Variants in KIAA1210 observed in about 807,000 individuals in gnomAD.
KIAA1210 encodes the protein acrosomal protein KIAA1210.
Under a neutral mutation model 78.9 loss-of-function variants are expected in KIAA1210, and 48 were observed. That is an observed-to-expected ratio of 0.61 (90% CI 0.48 to 0.77). The LOEUF (loss-of-function observed/expected upper bound fraction) is 0.77, where lower values mean the gene tolerates loss of function less well. Among genes scored for constraint, KIAA1210 ranks in the 30% least tolerant of loss-of-function variants. The probability of loss-of-function intolerance (pLI) is 0.00; values close to 1 mark genes in which losing one functional copy is unlikely to be tolerated. For missense variants in KIAA1210, 1,108 were observed against 1,100.0 expected, an observed-to-expected ratio of 1.01 and a Z score of -0.10; for synonymous variants, 406 against 404.5, an observed-to-expected ratio of 1.00 and a Z score of -0.04.
intron 1 of KIAA1210, 60 bp from the exon 2 acceptor site, chrX:119,123,712 G>T: frequency 1.3e-6 from 1 of 758,949 alleles, no homozygotes; most frequent in Non-Finnish European, 2.0e-6. Context: ...AGGGCGTAAT[G>T]CAATCCTTTC....
At chrX:119,124,356 C>T (rs1159813553) in intron 1 of KIAA1210, among the ~76,000 whole-genome samples, 1 of 112,195 alleles carries the variant, frequency 8.9e-6, no homozygotes, top group African/African-American at 3.2e-5. Context: ...AAATCTGTGA[C>T]TGTATTTAAA....
chrX:119,090,260 G>T (rs149209171), intron 8 of KIAA1210, among the ~76,000 whole-genome samples: 1 of 106,675 alleles, frequency 9.4e-6, no homozygotes, highest in African/African-American at 3.4e-5. Flanking sequence ...AATTAATTAT[G>T]GTTCTATTTT....
intron 2 of KIAA1210, among the ~76,000 whole-genome samples, chrX:119,144,067 T>C (rs1929110615): frequency 8.9e-6 from 1 of 112,536 alleles, no homozygotes. Context: ...TGGCCTTTGA[T>C]GGCACACTAT....
chrX:119,119,252 A>G (rs1209623535), intron 2 of KIAA1210, among the ~76,000 whole-genome samples: 2 of 112,421 alleles, frequency 1.8e-5, no homozygotes, highest in African/African-American at 6.5e-5. Flanking sequence ...CCCCATATCT[A>G]TAACTGAATA....
At chrX:119,150,917 C>T (rs891005264), upstream of KIAA1210, among the ~76,000 whole-genome samples, 11 of 112,411 alleles carry the variant, frequency 9.8e-5, no homozygotes, top group African/African-American at 3.6e-4. Flanking sequence ...GGGAGTAGGT[C>T]GGCTGCGCCC....
intron 8 of KIAA1210, among the ~76,000 whole-genome samples, chrX:119,093,403 C>T (rs1385715704): frequency 8.9e-6 from 1 of 112,260 alleles, no homozygotes; most frequent in Non-Finnish European, 1.9e-5. Context: ...ACAAACAAAA[C>T]ACCTCTCTTG....
rs1323791221 is a variant in KIAA1210 at position 119,079,742 on chromosome X, C to A, written c.*1587G>T. 8.9e-6 allele frequency: 1 copy of A among 111,752 alleles called. No individual in the cohort carries two copies. The highest frequency in any genetic ancestry group is 9.5e-5 in the Admixed American group (1 of 10,532). 9.2% of individuals were successfully genotyped at this position (111,752 alleles called of 1,213,427 possible). ...TCCCTTTTTGGTCTTCCCTCTTCTC[C>A]GTGGCTGGGGGATGAGTGGGTCACT... is the stretch of plus-strand genomic sequence containing the variant. On this transcript the variant is annotated 3_prime_UTR_variant, in exon 12 of 12. Transcript: ENST00000691062.
At chrX:119,125,459 C>G (rs1261376424) in intron 1 of KIAA1210, among the ~76,000 whole-genome samples, 1 of 107,885 alleles carries the variant, frequency 9.3e-6, no homozygotes, top group Non-Finnish European at 1.9e-5. Context: ...CCAAAGTGAT[C>G]ATGAAAAGGA....
At position 119,088,669 on chromosome X, in the gene KIAA1210, C is replaced by T. The variant is rs750963400; in HGVS notation, c.2033G>A (p.Ser678Asn). The T allele has an allele frequency of 3.9e-5, 47 of 1,209,501 alleles. No individual in the cohort carries two copies. Among genetic ancestry groups the T allele is most frequent in the Non-Finnish European group, 4.8e-5 (43 of 894,889 alleles). The change falls in exon 9 of 12, where the codon AGC becomes AAC. Residue 678 changes from serine to asparagine, a missense_variant. Transcript: ENST00000691062. ...PEDAEVFTES[S>N]SYVEKYNTSD... ...AGTGTTGTACTTTTCAACATAACTG[C>T]TTGATTCTGTGAAGACTTCTGCATC...
upstream of KIAA1210, among the ~76,000 whole-genome samples, chrX:119,132,348 A>G (rs1356110846): frequency 9.0e-6 from 1 of 111,672 alleles, no homozygotes; most frequent in Non-Finnish European, 1.9e-5. Flanking sequence ...TAGAGGCTCT[A>G]GCTCTAATTG....
chrX:119,083,169 A>G (rs1203153601), intron 10 of KIAA1210, 49 bp from the exon 11 acceptor site: 1 of 988,692 alleles, frequency 1.0e-6, no homozygotes. Flanking sequence ...TGACATTAAA[A>G]TGGCAGATTG....
At chrX:119,147,124 G>A (rs147323614) in intron 2 of KIAA1210, among the ~76,000 whole-genome samples, 2 of 111,035 alleles carry the variant, frequency 1.8e-5, no homozygotes, top group East Asian at 2.8e-4. Context: ...TGTTCTCTCC[G>A]TGCAGCTAGG....
At chrX:119,136,428 G>A (rs113129228) in intron 2 of KIAA1210, among the ~76,000 whole-genome samples, 1,123 of 112,184 alleles carry the variant, frequency 0.01, 19 homozygotes, top group African/African-American at 0.035. Context: ...AGTTCTGGAG[G>A]GATATAGAAG....
chrX:119,147,680 C>T (rs1029088505), intron 1 of KIAA1210: 1 of 949,852 alleles, frequency 1.1e-6, no homozygotes, highest in African/African-American at 1.9e-5. Context: ...TAGCCCTGGG[C>T]CACAAGATGG....
chrX:119,096,652 A>G lies in KIAA1210; in HGVS notation c.688T>C (p.Ser230Pro), dbSNP rs1255121445. Reference sequence around the variant, plus strand: ...GCAAGTGTGGCAAATGCAGTCAAGGACTGTGAGCAATCAGGTCCAGATGAT... The same window carrying G: ...GCAAGTGTGGCAAATGCAGTCAAGGGCTGTGAGCAATCAGGTCCAGATGAT... ...ELSSGPDCSQ[S>P]LTAFATLAST... is the part of the protein sequence containing the mutation. Residue 230 changes from serine (S) to proline (P), a missense_variant, in exon 7 of 12, where the codon TCC becomes CCC. Physicochemically the swap from Ser to Pro is moderately conservative, Grantham distance 74. Transcript: ENST00000691062. 4.1e-6 allele frequency: 5 copies of G among 1,207,473 alleles called. No homozygotes were observed. In the Admixed American group the frequency reaches 1.1e-4, roughly 27 times the overall value.
chrX:119,145,376 C>T (rs1037945783), intron 2 of KIAA1210, among the ~76,000 whole-genome samples: 1 of 110,981 alleles, frequency 9.0e-6, no homozygotes, highest in East Asian at 2.8e-4. Flanking sequence ...ACCTTGGCCC[C>T]GGTTTTGACA....
Position 119,144,510 on chromosome X carries a change from C to T in KIAA1210, c.410+2963G>A, listed in dbSNP as rs1929123465. On this transcript the variant is annotated intron_variant, in intron 2 of 13. Coordinates refer to the KIAA1210 transcript ENST00000402510. ...AGGGGAGAAGCACTACTATGATTAC[C>T]ATTTTATTATTCCCACTTTACAGAT... Among the ~76,000 whole-genome samples the T allele has an allele frequency of 2.7e-5, 3 of 111,743 alleles. No individual in the cohort carries two copies. The Admixed American group carries it at 2.9e-4, about 11-fold the overall frequency.
At chrX:119,108,189 C>A in intron 5 of KIAA1210, 148 bp downstream of exon 5, 1 of 494,306 alleles carries the variant, frequency 2.0e-6, no homozygotes, top group Non-Finnish European at 3.4e-6. Flanking sequence ...TAATATTATA[C>A]CCACTGTAGA....
At chrX:119,098,411 C>A (rs1325347238) in intron 6 of KIAA1210, among the ~76,000 whole-genome samples, 1 of 111,234 alleles carries the variant, frequency 9.0e-6, no homozygotes, top group East Asian at 2.8e-4. Flanking sequence ...TTGAGGCCAG[C>A]TTGGCCAACA....
Sources: allele counts gnomAD v4.1 joint callset (sites outside exome capture counted in the v4.1 genomes callset), GRCh38; gene constraint gnomAD v4.1.1; transcripts MANE v1.5; gene names NCBI Gene and HGNC (gene_info 2026-07-23, HGNC 2026-07-21).